Variants in DPY19L2 observed in about 807,000 individuals in gnomAD.
DPY19L2 encodes the protein dpy-19 like 2.
A neutral mutation model predicts 97.9 loss-of-function variants in DPY19L2; 34 were observed. The observed-to-expected ratio is 0.35, with a 90% CI of 0.26 to 0.46. The LOEUF (loss-of-function observed/expected upper bound fraction) is 0.46. DPY19L2 is among the 20% of genes least tolerant of loss of function. DPY19L2 has a pLI of 1.00. For synonymous variants in DPY19L2, 230 were observed against 307.9 expected (o/e 0.75, Z 2.65); for missense variants, 623 against 911.4 (o/e 0.68, Z 4.07).
chr12:63,622,371 T>C (rs1380396476), intron 8 of DPY19L2, among the ~76,000 whole-genome samples: 1 of 152,052 alleles, frequency 6.6e-6, no homozygotes, highest in African/African-American at 2.4e-5. Context: ...GAAGGCAAAG[T>C]GTAGAGCAAA....
At chr12:63,591,993 AGGGAGGGGAAGGGAGGGGAGGGGAG>A (rs1565728386) in intron 16 of DPY19L2, among the ~76,000 whole-genome samples, 3 of 17,394 alleles carry the variant, frequency 1.7e-4, no homozygotes, top group African/African-American at 7.9e-4. Flanking sequence ...AGGGAAGGGA[AGGGAGGGGAAGGGAGGGGAGGGGAG>A]GGGAGGGGAG....
intron 4 of DPY19L2, among the ~76,000 whole-genome samples, chr12:63,649,520 CA>C (rs1175599560): frequency 1.3e-5 from 2 of 151,894 alleles, no homozygotes; most frequent in African/African-American, 4.8e-5. Flanking sequence ...TGTAGAAAAG[CA>C]AAAAACTCTG....
At chr12:63,638,691 A>G (rs1037767132) in intron 6 of DPY19L2, among the ~76,000 whole-genome samples, 3 of 152,188 alleles carry the variant, frequency 2.0e-5, no homozygotes, top group African/African-American at 7.2e-5. Context: ...CCACTGCTCA[A>G]CGAAATCAAA....
intron 18 of DPY19L2, 141 bp from the exon 19 acceptor site, chr12:63,580,977 G>C (rs572215064): frequency 2.3e-6 from 2 of 883,998 alleles, no homozygotes; most frequent in African/African-American, 3.4e-5. Context: ...TATCATCTCC[G>C]ATTGTTTCTA....
At chr12:63,633,982 A>G (rs571923238) in intron 6 of DPY19L2, among the ~76,000 whole-genome samples, 21 of 151,752 alleles carry the variant, frequency 1.4e-4, no homozygotes, top group African/African-American at 4.8e-4. Context: ...CAAACACCGC[A>G]TGTTCTCACT....
intron 8 of DPY19L2, among the ~76,000 whole-genome samples, chr12:63,622,935 A>C (rs1199057729): frequency 1.3e-5 from 2 of 152,180 alleles, no homozygotes; most frequent in Non-Finnish European, 2.9e-5. Context: ...AAATAAATAA[A>C]TAAAAATTTG....
At position 63,626,464 on chromosome 12, in the gene DPY19L2, C is replaced by T. The variant is rs1275103504; in HGVS notation, c.861+5G>A. ...TTCTTAAAAATTGCTTTCTAGAAAA[C>T]AAACCTCTCCATGGTTGAAAAAGAA... On this transcript the variant is annotated splice_donor_5th_base_variant and intron_variant, in intron 7 of 21. Transcript: ENST00000324472. 1 of 1,535,860 alleles carries T rather than the reference C, an allele frequency of 6.5e-7. No individual in the cohort carries two copies. Among genetic ancestry groups the T allele is most frequent in the Non-Finnish European group, 8.7e-7 (1 of 1,146,652 alleles).
intron 19 of DPY19L2, among the ~76,000 whole-genome samples, chr12:63,573,629 G>A (rs1353960359): frequency 6.6e-6 from 1 of 152,046 alleles, no homozygotes; most frequent in Non-Finnish European, 1.5e-5. Context: ...ACTAACTCAA[G>A]TCATTTAATA....
chr12:63,638,938 A>G (rs558584528), intron 6 of DPY19L2, among the ~76,000 whole-genome samples: 92 of 152,284 alleles, frequency 6.0e-4, no homozygotes, highest in Non-Finnish European at 4.7e-4. Context: ...ACATCACGCT[A>G]CCTGACTTCA....
At position 63,580,771 on chromosome 12, in the gene DPY19L2, C is replaced by G; in HGVS notation, c.1791G>C (p.Met597Ile). ...EKVIFGILTV[M>I]SIQGYANLRN... ...GGAGGTTTGCATAACCTTGTATTGA[C>G]ATCACTGTTAAAATGCCAAAGATAA... Residue 597 changes from methionine (M) to isoleucine (I), a missense_variant, in exon 19 of 22, where the codon ATG (methionine) becomes ATC (isoleucine). By Grantham distance (10) the Met-to-Ile change is conservative. Around this residue, in one of 6 missense-constraint regions of DPY19L2, gnomAD observed 294 missense variants for 446.2 expected, o/e 0.66. Coordinates refer to ENST00000324472, the MANE Select transcript of DPY19L2 (RefSeq NM_173812.5). 1 of 1,613,614 alleles carries G rather than the reference C, an allele frequency of 6.2e-7. No individual in the cohort carries two copies. The highest frequency in any genetic ancestry group is 1.1e-5 in the South Asian group (1 of 91,018).
In DPY19L2 at chr12:63,663,795, G is replaced by A. The variant is rs1461489088; in HGVS notation, c.413C>T (p.Ser138Leu). 2 of 1,605,136 alleles carry A rather than the reference G, an allele frequency of 1.2e-6. No homozygotes were observed. Among genetic ancestry groups the A allele is most frequent in the South Asian group, 1.1e-5 (1 of 88,004 alleles). ...FENDRHFSHL[S>L]SLEREMTFRT... ...AAAAGTCATCTCCCGTTCCAAAGAT[G>A]AGAGGTGAGAGAAATGACGATCATT... The change falls in exon 3 of 22, where the codon TCA becomes TTA. Residue 138 changes from serine (S) to leucine (L), a missense_variant. By Grantham distance (145) the Ser-to-Leu change is moderately radical (BLOSUM62 -2). Around this residue, in one of 6 missense-constraint regions of DPY19L2, gnomAD observed 84 missense variants for 125.4 expected, o/e 0.67. Coordinates refer to ENST00000324472, the MANE Select transcript of DPY19L2 (RefSeq NM_173812.5).
chr12:63,600,067 A>G (rs1311314495), intron 13 of DPY19L2, among the ~76,000 whole-genome samples: 2 of 152,130 alleles, frequency 1.3e-5, no homozygotes, highest in Non-Finnish European at 2.9e-5. Flanking sequence ...TTAACAAACT[A>G]TTAGTATTTT....
At chr12:63,585,705 G>C (rs1881681340) in intron 16 of DPY19L2, among the ~76,000 whole-genome samples, 1 of 152,078 alleles carries the variant, frequency 6.6e-6, no homozygotes, top group South Asian at 2.1e-4. Flanking sequence ...AATTAAAAAT[G>C]TGAATATACA....
chr12:63,619,640 T>C (rs1477200466), intron 9 of DPY19L2, among the ~76,000 whole-genome samples: 5 of 151,900 alleles, frequency 3.3e-5, no homozygotes, highest in Non-Finnish European at 7.4e-5. Context: ...CCTCCCAAGA[T>C]TACAGGAGCC....
intron 21 of DPY19L2, among the ~76,000 whole-genome samples, chr12:63,567,633 C>G (rs1216275182): frequency 6.6e-6 from 1 of 152,028 alleles, no homozygotes; most frequent in Non-Finnish European, 1.5e-5. Flanking sequence ...TCTTGTATAT[C>G]TGAGTTACCA....
At chr12:63,639,523 A>C (rs1892330373) in intron 6 of DPY19L2, among the ~76,000 whole-genome samples, 1 of 152,202 alleles carries the variant, frequency 6.6e-6, no homozygotes, top group East Asian at 1.9e-4. Context: ...AAACAACCCC[A>C]TCAAAAAGTG....
chr12:63,605,922 C>T (rs1261774976), intron 12 of DPY19L2, among the ~76,000 whole-genome samples: 1 of 151,988 alleles, frequency 6.6e-6, no homozygotes, highest in African/African-American at 2.4e-5. Context: ...ATTACATGAA[C>T]CTTCATACAC....
intron 15 of DPY19L2, among the ~76,000 whole-genome samples, chr12:63,594,577 T>TTGTGTG (rs1244921353): frequency 1.6e-5 from 2 of 124,210 alleles, no homozygotes; most frequent in African/African-American, 7.3e-5. Flanking sequence ...GTAGGGATGT[T>TTGTGTG]TGTATGTGTG....
intron 16 of DPY19L2, among the ~76,000 whole-genome samples, chr12:63,587,675 C>T (rs1882039651): frequency 6.6e-6 from 1 of 151,608 alleles, no homozygotes; most frequent in South Asian, 2.1e-4. Context: ...TGGGTTCCAG[C>T]GATTCTCCTG....
Sources: allele counts gnomAD v4.1 joint callset (sites outside exome capture counted in the v4.1 genomes callset), GRCh38; gene constraint gnomAD v4.1.1; regional missense constraint gnomAD v4.1.1; transcripts MANE v1.5; gene names NCBI Gene and HGNC (gene_info 2026-07-23, HGNC 2026-07-21).